STARD13: variants seen among roughly 807,000 people sequenced by gnomAD.
The protein encoded by STARD13 is stAR-related lipid transfer protein 13.
STARD13 carries 62 observed loss-of-function variants against 106.4 expected under a neutral mutation model. That is an observed-to-expected ratio of 0.58 (90% CI 0.48 to 0.72). The LOEUF (loss-of-function observed/expected upper bound fraction) is 0.72. STARD13 is among the 30% of genes least tolerant of loss of function. STARD13 has a pLI of 0.00. For synonymous variants in STARD13, 565 were observed against 553.0 expected, an observed-to-expected ratio of 1.02 and a Z score of -0.31; for missense variants, 1,387 against 1,424.0, an observed-to-expected ratio of 0.97 and a Z score of 0.42.
At chr13:33,490,566 C>A in the STARD13 span, among the ~76,000 whole-genome samples, 2 of 152,092 alleles carry the variant, frequency 1.3e-5, no homozygotes, top group African/African-American at 4.8e-5. Context: ...AGTTTTGCCT[C>A]CGGCCGCTGG....
intron 1 of STARD13, among the ~76,000 whole-genome samples, chr13:33,193,602 C>T (rs1263593808): frequency 6.6e-6 from 1 of 152,184 alleles, no homozygotes; most frequent in Admixed American, 6.5e-5. Context: ...AGCGTGAACA[C>T]AACCAGCGAC....
the STARD13 span, among the ~76,000 whole-genome samples, chr13:33,386,866 C>G: frequency 4.6e-5 from 7 of 152,122 alleles, no homozygotes; most frequent in Non-Finnish European, 8.8e-5. Context: ...CCTCACTCTT[C>G]TACCTTAATT....
chr13:33,310,481 T>G (rs978828866), intron 1 of STARD13, among the ~76,000 whole-genome samples: 2 of 152,120 alleles, frequency 1.3e-5, no homozygotes, highest in Non-Finnish European at 2.9e-5. Flanking sequence ...GGAAGGTTAA[T>G]AAAACACTGC....
At chr13:33,383,834 A>G in the STARD13 span, among the ~76,000 whole-genome samples, 3 of 149,982 alleles carry the variant, frequency 2.0e-5, no homozygotes, top group Non-Finnish European at 4.4e-5. Flanking sequence ...TGCATGTCTC[A>G]TGCACCTGGT....
At chr13:33,400,432 G>C in the STARD13 span, among the ~76,000 whole-genome samples, 1 of 151,682 alleles carries the variant, frequency 6.6e-6, no homozygotes, top group Non-Finnish European at 1.5e-5. Flanking sequence ...ACACTGCAAT[G>C]AACATGGGGG....
At chr13:33,126,697 A>C (rs2858824) in intron 6 of STARD13, among the ~76,000 whole-genome samples, 1 of 151,782 alleles carries the variant, frequency 6.6e-6, no homozygotes, top group African/African-American at 2.4e-5. Context: ...TTTTCAAAGG[A>C]CATTTTAATA....
At chr13:33,519,999 T>C in the STARD13 span, 1 of 152,182 alleles carries the variant, frequency 6.6e-6, no homozygotes, top group African/African-American at 2.4e-5. Context: ...AAATATCCTC[T>C]TCTCATAGAT....
the STARD13 span, among the ~76,000 whole-genome samples, chr13:33,590,931 T>C: frequency 6.6e-6 from 1 of 152,228 alleles, no homozygotes; most frequent in Admixed American, 6.5e-5. Context: ...ACTTATTATT[T>C]TCCAATCTGC....
At chr13:33,233,118 A>G (rs1889007907) in intron 1 of STARD13, among the ~76,000 whole-genome samples, 1 of 152,250 alleles carries the variant, frequency 6.6e-6, no homozygotes, top group Non-Finnish European at 1.5e-5. Flanking sequence ...AGATAGGGGC[A>G]GGTACTGGGT....
At chr13:33,307,504 T>C (rs1892955349) in intron 1 of STARD13, among the ~76,000 whole-genome samples, 1 of 152,182 alleles carries the variant, frequency 6.6e-6, no homozygotes, top group Non-Finnish European at 1.5e-5. Context: ...ATCATGTCCT[T>C]TGCAGGGACA....
the STARD13 span, among the ~76,000 whole-genome samples, chr13:33,496,576 G>A: frequency 6.6e-6 from 1 of 151,962 alleles, no homozygotes; most frequent in African/African-American, 2.4e-5. Context: ...AGACATTTGT[G>A]TAATATCAAT....
At chr13:33,564,581 A>T in the STARD13 span, among the ~76,000 whole-genome samples, 1 of 147,448 alleles carries the variant, frequency 6.8e-6, no homozygotes, top group Non-Finnish European at 1.5e-5. Flanking sequence ...TCTACACTCC[A>T]TGTTTACTCC....
chr13:33,332,488 C>G lies in STARD13; in HGVS notation c.124+17802G>C, dbSNP rs116181708. On this transcript the variant is annotated intron_variant, in intron 1 of 5. Transcript: ENST00000567873. ...TAAAAGGGACCACAGAGAGATTTCT[C>G]ACTCTCTTTCTGCCAGGTGGGGATA... 6.7e-3 allele frequency among the ~76,000 whole-genome samples: 1,026 copies of G among 152,260 alleles called. 12 individuals are homozygous for G. Among genetic ancestry groups the G allele is most frequent in the African/African-American group, 0.024 (979 of 41,544 alleles).
At chr13:33,397,958 C>G in the STARD13 span, among the ~76,000 whole-genome samples, 2 of 152,214 alleles carry the variant, frequency 1.3e-5, no homozygotes, top group African/African-American at 4.8e-5. Flanking sequence ...GTCGTATCTC[C>G]TAATGCTATT....
chr13:33,358,581 C>T, the STARD13 span, among the ~76,000 whole-genome samples: 1 of 148,034 alleles, frequency 6.8e-6, no homozygotes, highest in Non-Finnish European at 1.5e-5. Context: ...ATGAGGACGT[C>T]TGTATCTGCT....
chr13:33,248,457 G>A (rs959764042), intron 1 of STARD13, among the ~76,000 whole-genome samples: 1 of 152,204 alleles, frequency 6.6e-6, no homozygotes. Flanking sequence ...TCCTGGGCAT[G>A]TGAGAGCATT....
chr13:33,448,767 G>A, the STARD13 span, among the ~76,000 whole-genome samples: 1 of 152,138 alleles, frequency 6.6e-6, no homozygotes, highest in South Asian at 2.1e-4. Context: ...ACCAACATTT[G>A]TTACTGTTTG....
chr13:33,470,683 A>G, the STARD13 span, among the ~76,000 whole-genome samples: 1 of 152,206 alleles, frequency 6.6e-6, no homozygotes, highest in Non-Finnish European at 1.5e-5. Flanking sequence ...AGTGATGATG[A>G]GCCTTTTTTC....
the STARD13 span, among the ~76,000 whole-genome samples, chr13:33,607,020 C>T: frequency 2.0e-5 from 3 of 152,104 alleles, no homozygotes; most frequent in Non-Finnish European, 2.9e-5. Flanking sequence ...TCATCTGCTA[C>T]CTTCATTCCT....
Sources: gnomAD v4.1 joint callset for allele counts (sites outside exome capture counted in the v4.1 genomes callset) on GRCh38, gnomAD v4.1.1 for gene constraint, MANE v1.5 for transcripts, NCBI Gene and HGNC (gene_info 2026-07-23, HGNC 2026-07-21) for gene names.